Variants in NLGN1 observed in about 807,000 individuals in gnomAD.
NLGN1 encodes neuroligin 1.
Under a neutral mutation model 65.5 loss-of-function variants are expected in NLGN1, and 12 were observed. The observed-to-expected ratio is 0.18, with a 90% CI of 0.12 to 0.30. The LOEUF is 0.30. Ranked by LOEUF, NLGN1 falls within the 10% of genes least tolerant of loss-of-function variation. The pLI is 1.00. For synonymous variants in NLGN1, 350 were observed against 359.5 expected (o/e 0.97, Z 0.30); for missense variants, 750 against 1,007.1 (o/e 0.74, Z 3.46).
At chr3:173,635,817 T>G (rs193075930) in intron 3 of NLGN1, among the ~76,000 whole-genome samples, 308 of 152,274 alleles carry the variant, frequency 2.0e-3, no homozygotes, top group African/African-American at 7.2e-3. Context: ...TTAAGTTAAT[T>G]GGATAAAACA....
chr3:173,400,543 C>T (rs1440733659), intron 1 of NLGN1, among the ~76,000 whole-genome samples: 3 of 152,118 alleles, frequency 2.0e-5, no homozygotes, highest in Non-Finnish European at 4.4e-5. Flanking sequence ...CCATTCCCTG[C>T]CCCTCTACCC....
chr3:173,885,492 C>G (rs1734165980), intron 4 of NLGN1, among the ~76,000 whole-genome samples: 1 of 152,014 alleles, frequency 6.6e-6, no homozygotes, highest in African/African-American at 2.4e-5. Flanking sequence ...AACTAAACTA[C>G]TTAACAGAGT....
intron 4 of NLGN1, among the ~76,000 whole-genome samples, chr3:173,948,305 A>G (rs748298720): frequency 2.0e-4 from 30 of 152,242 alleles, no homozygotes; most frequent in Non-Finnish European, 3.5e-4. Context: ...GCACAGGGTC[A>G]AGAACACAAG....
chr3:174,089,327 T>C (rs910960026), intron 4 of NLGN1, among the ~76,000 whole-genome samples: 4 of 152,202 alleles, frequency 2.6e-5, no homozygotes, highest in African/African-American at 4.8e-5. Flanking sequence ...CCATTCTCAG[T>C]ACGTGGTTCT....
At chr3:173,711,382 A>G (rs1768952460) in intron 3 of NLGN1, among the ~76,000 whole-genome samples, 1 of 152,172 alleles carries the variant, frequency 6.6e-6, no homozygotes, top group South Asian at 2.1e-4. Context: ...TCAAAACATG[A>G]AGAAACAGAA....
At chr3:174,072,336 C>T (rs778820919) in intron 4 of NLGN1, among the ~76,000 whole-genome samples, 1 of 151,976 alleles carries the variant, frequency 6.6e-6, no homozygotes, top group Non-Finnish European at 1.5e-5. Context: ...AGATTTTGAC[C>T]TTGGGTGAGT....
intron 3 of NLGN1, among the ~76,000 whole-genome samples, chr3:173,756,428 G>T (rs1465841313): frequency 6.6e-6 from 1 of 151,806 alleles, no homozygotes; most frequent in African/African-American, 2.4e-5. Context: ...GAATATGGAA[G>T]TATAAAAAAA....
chr3:173,895,798 C>G (rs1736250162), intron 4 of NLGN1, among the ~76,000 whole-genome samples: 1 of 152,008 alleles, frequency 6.6e-6, no homozygotes, highest in Non-Finnish European at 1.5e-5. Flanking sequence ...TCAAGCGATT[C>G]TCCTGTCTCA....
At chr3:173,441,384 G>T (rs563853414) in intron 2 of NLGN1, among the ~76,000 whole-genome samples, 9 of 152,148 alleles carry the variant, frequency 5.9e-5, no homozygotes, top group Non-Finnish European at 7.4e-5. Context: ...GGCCTATTTT[G>T]GTTTTAGGCA....
At chr3:174,222,849 A>G (rs1400930372) in intron 4 of NLGN1, among the ~76,000 whole-genome samples, 4 of 152,160 alleles carry the variant, frequency 2.6e-5, no homozygotes, top group African/African-American at 9.7e-5. Context: ...TCTATTTTAC[A>G]GTATAGAGTT....
At chr3:173,476,733 G>A (rs1219026622) in intron 2 of NLGN1, among the ~76,000 whole-genome samples, 1 of 152,126 alleles carries the variant, frequency 6.6e-6, no homozygotes. Flanking sequence ...TTCCATGAAG[G>A]GTAAGTGGGT....
chr3:173,876,228 A>G (rs761197272), intron 4 of NLGN1, among the ~76,000 whole-genome samples: 4 of 152,126 alleles, frequency 2.6e-5, no homozygotes, highest in South Asian at 2.1e-4. Context: ...TTGACAGTGC[A>G]TTTGTGGTGG....
intron 2 of NLGN1, among the ~76,000 whole-genome samples, chr3:173,487,833 T>A (rs1262171854): frequency 1.3e-5 from 2 of 152,030 alleles, no homozygotes; most frequent in African/African-American, 4.8e-5. Context: ...CCTTCTCCGT[T>A]GTTATGTTTT....
intron 4 of NLGN1, among the ~76,000 whole-genome samples, chr3:174,226,135 AC>A (rs1247526269): frequency 6.6e-6 from 1 of 152,136 alleles, no homozygotes; most frequent in Non-Finnish European, 1.5e-5. Flanking sequence ...TGATTAGGAA[AC>A]ATATGGCTGG....
At chr3:173,597,655 A>C (rs746439106) in intron 2 of NLGN1, among the ~76,000 whole-genome samples, 1 of 151,000 alleles carries the variant, frequency 6.6e-6, no homozygotes, top group Non-Finnish European at 1.5e-5. Context: ...TTTAGTAAAA[A>C]ATATGGTTTG....
chr3:174,085,493 C>T (rs73186514), intron 4 of NLGN1, among the ~76,000 whole-genome samples: 1 of 152,114 alleles, frequency 6.6e-6, no homozygotes, highest in Non-Finnish European at 1.5e-5. Flanking sequence ...TTTCCTGGTA[C>T]TCCAAACCTC....
At chr3:174,263,560 A>T (rs1483288473) in intron 4 of NLGN1, among the ~76,000 whole-genome samples, 1 of 151,648 alleles carries the variant, frequency 6.6e-6, no homozygotes, top group Non-Finnish European at 1.5e-5. Flanking sequence ...ATCCTTTTAT[A>T]TTGAGCCTAT....
intron 3 of NLGN1, among the ~76,000 whole-genome samples, chr3:173,758,217 A>G (rs966819344): frequency 5.7e-4 from 87 of 152,156 alleles, no homozygotes; most frequent in Admixed American, 1.5e-3. Context: ...AGCCCTCATC[A>G]GATATGGAAT....
chr3:173,725,393 G>A, intron 3 of NLGN1, among the ~76,000 whole-genome samples: 1 of 152,090 alleles, frequency 6.6e-6, no homozygotes, highest in South Asian at 2.1e-4. Flanking sequence ...ATGAGAATAG[G>A]GAAGAGATTA....
Sources: gnomAD v4.1 joint callset for allele counts (sites outside exome capture counted in the v4.1 genomes callset) on GRCh38, gnomAD v4.1.1 for gene constraint, MANE v1.5 for transcripts, NCBI Gene and HGNC (gene_info 2026-07-23, HGNC 2026-07-21) for gene names.